OTOGL: variants seen among roughly 807,000 people sequenced by gnomAD.
OTOGL encodes otogelin-like protein.
OTOGL carries 285 observed loss-of-function variants against 318.5 expected under a neutral mutation model. That is an observed-to-expected ratio of 0.89 (90% CI 0.81 to 0.99). The LOEUF is 0.99. Among genes scored for constraint, OTOGL ranks in the 50% least tolerant of loss-of-function variants. The pLI is 0.00. For missense variants in OTOGL, 2,899 were observed against 2,845.6 expected (o/e 1.02, Z -0.43); for synonymous variants, 987 against 936.5 (o/e 1.05, Z -0.99).
intron 32 of OTOGL, among the ~76,000 whole-genome samples, chr12:80,315,471 G>A (rs1002208440): frequency 3.3e-5 from 5 of 152,148 alleles, no homozygotes; most frequent in Non-Finnish European, 7.4e-5. Context: ...CAGAATTGGA[G>A]TCTTTTTGCA....
Position 80,144,209 on chromosome 12 carries a change from C to A in OTOGL, c.-20+44604C>A, listed in dbSNP as rs1185386285. Reference sequence around the variant, plus strand: ...CTCCCAATGCTATCCCTTCCCACTCCCCCCACCCCACAACAGTCCCCAGAG... The same window carrying A: ...CTCCCAATGCTATCCCTTCCCACTCACCCCACCCCACAACAGTCCCCAGAG... On this transcript the variant is annotated intron_variant, in intron 1 of 58. Coordinates refer to ENST00000547103, the MANE Select transcript of OTOGL (RefSeq NM_001378609.3). Among the ~76,000 whole-genome samples the A allele has an allele frequency of 4.6e-5, 7 of 152,070 alleles. No homozygotes were observed. In the South Asian group the frequency reaches 1.2e-3, roughly 27 times the overall value.
rs140827325 is a variant in OTOGL, at chr12:80,337,697, G to T, written c.4860+693G>T. ...AAAATATGAAAAAAAAATGTGTAAAGATTTTTTCTTAAAATGGCTGAAGTA... is the reference window on the plus strand; with the variant it reads ...AAAATATGAAAAAAAAATGTGTAAATATTTTTTCTTAAAATGGCTGAAGTA... On this transcript the variant is annotated intron_variant, in intron 42 of 58. Coordinates refer to ENST00000547103, the MANE Select transcript of OTOGL (RefSeq NM_001378609.3). 5.4e-4 allele frequency among the ~76,000 whole-genome samples: 82 copies of T among 151,966 alleles called. 2 individuals are homozygous for T. The East Asian group carries it at 0.015, about 28-fold the overall frequency.
chr12:80,237,649 G>T (rs963408794), intron 9 of OTOGL, among the ~76,000 whole-genome samples: 7 of 152,144 alleles, frequency 4.6e-5, no homozygotes. Context: ...AGCGGGTTGG[G>T]AGTAAGGGGA....
intron 1 of OTOGL, among the ~76,000 whole-genome samples, chr12:80,141,548 T>G (rs965412713): frequency 2.0e-5 from 3 of 152,134 alleles, no homozygotes; most frequent in South Asian, 2.1e-4. Flanking sequence ...TCAATACACA[T>G]GCAATGAGTA....
At chr12:80,127,397 C>A (rs2137112389) in intron 1 of OTOGL, among the ~76,000 whole-genome samples, 1 of 152,360 alleles carries the variant, frequency 6.6e-6, no homozygotes, top group South Asian at 2.1e-4. Flanking sequence ...TGTAGAGTTT[C>A]TGCCGAGAGA....
At chr12:80,283,971 T>C (rs189728975) in intron 26 of OTOGL, among the ~76,000 whole-genome samples, 4 of 152,058 alleles carry the variant, frequency 2.6e-5, no homozygotes, top group Admixed American at 2.0e-4. Flanking sequence ...CAACCTGTCA[T>C]CTAGGTTTTA....
At chr12:80,250,259 C>G (rs1406578724) in intron 11 of OTOGL, among the ~76,000 whole-genome samples, 1 of 152,174 alleles carries the variant, frequency 6.6e-6, no homozygotes, top group East Asian at 1.9e-4. Flanking sequence ...AAAAAATAAA[C>G]TTATTTTCCC....
Position 80,279,027 on chromosome 12 carries a change from G to A in OTOGL, c.2790-1G>A, listed in dbSNP as rs758960467. 5 of 1,226,444 alleles carry A rather than the reference G, an allele frequency of 4.1e-6. No individual in the cohort carries two copies. The highest frequency in any genetic ancestry group is 3.1e-5 in the African/African-American group (2 of 64,664). 76.0% of individuals were successfully genotyped at this position (1,226,444 alleles called of 1,614,324 possible). A position where few individuals can be genotyped will look rare whatever the true frequency, so the allele number is the denominator to read the frequency against. On this transcript the variant is annotated splice_acceptor_variant, in intron 25 of 58. Transcript: ENST00000547103. LOFTEE classifies it high-confidence loss of function. The stretch of plus-strand genomic sequence containing the variant: ...AGGTAACTTTTGTTATTTTTTAATA[G>A]CGTTTGTCGACGAGGAATGTTCAAT...
At chr12:80,136,324 G>A (rs1354252278) in intron 1 of OTOGL, among the ~76,000 whole-genome samples, 1 of 152,114 alleles carries the variant, frequency 6.6e-6, no homozygotes, top group Non-Finnish European at 1.5e-5. Flanking sequence ...TCATTTTACT[G>A]ATTGAAACTG....
At chr12:80,170,560 A>T (rs1279799991) in intron 1 of OTOGL, among the ~76,000 whole-genome samples, 1 of 151,574 alleles carries the variant, frequency 6.6e-6, no homozygotes, top group African/African-American at 2.4e-5. Context: ...CAGCCTCCTG[A>T]GTATCTGAGA....
intron 36 of OTOGL, 61 bp downstream of exon 36, chr12:80,328,805 G>C: frequency 6.9e-7 from 1 of 1,440,876 alleles, no homozygotes; most frequent in East Asian, 2.3e-5. Context: ...TGTTTTTTCC[G>C]AGGCAAGTGG....
intron 1 of OTOGL, among the ~76,000 whole-genome samples, chr12:80,195,742 G>C (rs1876016089): frequency 6.6e-6 from 1 of 152,146 alleles, no homozygotes; most frequent in Admixed American, 6.5e-5. Flanking sequence ...GGTGGCTCCT[G>C]AATGCCCATT....
chr12:80,280,173 T>A (rs987231894), intron 26 of OTOGL, among the ~76,000 whole-genome samples: 1 of 151,900 alleles, frequency 6.6e-6, no homozygotes, highest in Non-Finnish European at 1.5e-5. Flanking sequence ...CTTGTTTAAG[T>A]TCCTTGTAGA....
rs1882584993 is a variant in OTOGL, at chr12:80,262,070, C to A, written c.1991C>A (p.Pro664His). The change falls in exon 19 of 59, where the codon CCC becomes CAC. Residue 664 changes from proline to histidine, a missense_variant. Physicochemically the swap from Pro to His is moderately conservative, Grantham distance 77. Transcript: ENST00000547103. ...CCTGTTCATGTCCCAGTGGTGGACC[C>A]CTGTAACATCAATCAACAAAACAGT... ...FAPVHVPVVD[P>H]CNINQQNIGY... The A allele has an allele frequency of 6.2e-7, 1 of 1,609,328 alleles. No homozygotes were observed.
intron 1 of OTOGL, among the ~76,000 whole-genome samples, chr12:80,183,223 GACAGTCC>G (rs1278209649): frequency 2.0e-5 from 3 of 152,198 alleles, no homozygotes; most frequent in African/African-American, 7.2e-5. Flanking sequence ...GATTGGAGAT[GACAGTCC>G]TACTGAGGTA....
At chr12:80,372,683 C>T (rs1890949981) in intron 57 of OTOGL, among the ~76,000 whole-genome samples, 1 of 145,564 alleles carries the variant, frequency 6.9e-6, no homozygotes, top group African/African-American at 2.7e-5. Context: ...AGGTTTATTT[C>T]ATAGTAATTG....
rs1278009133 is a variant in OTOGL, at chr12:80,229,419, A to G, written c.611+41A>G. The G allele has an allele frequency of 4.5e-6, 7 of 1,557,910 alleles. No homozygotes were observed. In the East Asian group the frequency reaches 9.0e-5, roughly 20 times the overall value. ...CAGTGAAATGTCAGTAACACCACAA[A>G]TTAATAGAATTTCCAAACATCACAT... On this transcript the variant is annotated intron_variant, in intron 8 of 58. Coordinates refer to ENST00000547103, the MANE Select transcript of OTOGL (RefSeq NM_001378609.3).
rs2137501901 is a variant in OTOGL at position 80,252,084 on chromosome 12, T to C, written c.1168T>C (p.Cys390Arg). Residue 390 changes from cysteine (C) to arginine (R), a missense_variant, in exon 13 of 59, where the codon TGT becomes CGT. Cys to Arg is a radical substitution (Grantham distance 180). Coordinates refer to ENST00000547103, the MANE Select transcript of OTOGL (RefSeq NM_001378609.3). ...RDDFPACTDK[C>R]DDSFVHRDCI... ...CTGTTTGTCTGTTTTAGCTGATAAA[T>C]GTGATGATAGCTTTGTCCATCGGGA... The C allele has an allele frequency of 1.3e-6, 2 of 1,545,536 alleles. No individual in the cohort carries two copies. The highest frequency in any genetic ancestry group is 4.9e-5 in the East Asian group (2 of 40,604).
At chr12:80,257,200 C>T (rs983650359) in intron 17 of OTOGL, among the ~76,000 whole-genome samples, 14 of 151,948 alleles carry the variant, frequency 9.2e-5, no homozygotes, top group Admixed American at 4.6e-4. Flanking sequence ...GAACTTGATA[C>T]GAATCAAATA....
Sources: gnomAD v4.1 joint callset for allele counts (sites outside exome capture counted in the v4.1 genomes callset) on GRCh38, gnomAD v4.1.1 for gene constraint, MANE v1.5 for transcripts, NCBI Gene and HGNC (gene_info 2026-07-23, HGNC 2026-07-21) for gene names.